Variants in PANX2 observed in about 807,000 individuals in gnomAD.
The protein encoded by PANX2 is pannexin-2.
A neutral mutation model predicts 38.7 loss-of-function variants in PANX2; 30 were observed. That is an observed-to-expected ratio of 0.78 (90% CI 0.58 to 1.05). PANX2 has a LOEUF of 1.05. PANX2 is among the 50% of genes least tolerant of loss of function. PANX2 has a pLI of 0.00. For synonymous variants in PANX2, 539 were observed against 472.1 expected (o/e 1.14, Z -1.84); for missense variants, 880 against 979.3 (o/e 0.90, Z 1.35).
chr22:50,177,506 C>G lies in PANX2; in HGVS notation c.794C>G (p.Pro265Arg), dbSNP rs1221621180. The G allele has an allele frequency of 1.2e-6, 2 of 1,609,048 alleles. No homozygotes were observed. The highest frequency in any genetic ancestry group is 1.7e-6 in the Non-Finnish European group (2 of 1,178,170). Residue 265 changes from proline to arginine, a missense_variant, in exon 2 of 3, where the codon CCG (proline) becomes CGG (arginine). This residue lies in a region of PANX2 where 114 missense variants were observed against 108.8 expected (regional missense o/e 1.05). Coordinates refer to ENST00000395842, the MANE Select transcript of PANX2 (RefSeq NM_052839.4). ...NEFTCALGAS[P>R]DGAAGAGPAV... The stretch of plus-strand genomic sequence containing the variant: ...TTCACCTGCGCGCTGGGCGCGTCCC[C>G]GGACGGGGCGGCAGGTGCGGGGCCC...
At position 50,170,964 on chromosome 22, in the gene PANX2, C is replaced by T. The variant is rs2063626314; in HGVS notation, c.226+8C>T. 4.1e-6 allele frequency: 6 copies of T among 1,469,012 alleles called. No homozygotes were observed. The highest frequency in any genetic ancestry group is 2.9e-5 in the African/African-American group (2 of 68,320). 91.0% of individuals were successfully genotyped at this position (1,469,012 alleles called of 1,614,324 possible). ...TCACCAAGAACTTCGCAGGTGAGGC[C>T]GGCGGCCGGGGCGCGGGGCGCGGGC... On this transcript the variant is annotated splice_region_variant and intron_variant, in intron 1 of 2. Transcript: ENST00000395842.
intron 1 of PANX2, among the ~76,000 whole-genome samples, chr22:50,174,773 G>A (rs4838859): frequency 0.8 from 122,213 of 152,212 alleles, 49,697 homozygotes; most frequent in African/African-American, 0.94. Context: ...GGATGGGCCC[G>A]TGGATTTGGG....
In PANX2 at chr22:50,173,147, T is replaced by C. The variant is rs6010150; in HGVS notation, c.226+2191T>C. Among the ~76,000 whole-genome samples the C allele has an allele frequency of 5.3e-3, 805 of 150,516 alleles. 10 individuals are homozygous for C. Among genetic ancestry groups the C allele is most frequent in the African/African-American group, 0.018 (748 of 40,786 alleles). On this transcript the variant is annotated intron_variant, in intron 1 of 2. Coordinates refer to ENST00000395842, the MANE Select transcript of PANX2 (RefSeq NM_052839.4). ...TCCTGACCTCGTGATCCGCCCACCT[T>C]GGCCTCCCAAAGTGCTGGGATTACA...
In PANX2 at chr22:50,179,252, C is replaced by T. The variant is rs763667948; in HGVS notation, c.2009C>T (p.Thr670Met). The T allele has an allele frequency of 5.6e-6, 9 of 1,612,646 alleles. No homozygotes were observed. Among genetic ancestry groups the T allele is most frequent in the Admixed American group, 5.0e-5 (3 of 60,024 alleles). Residue 670 changes from threonine to methionine, a missense_variant, in exon 3 of 3, where the codon ACG becomes ATG. Physicochemically the swap from Thr to Met is moderately conservative, Grantham distance 81. Transcript: ENST00000395842. The part of the protein sequence containing the change: ...ILIATFDEPR[T>M]VVSTVEF ...ATCGCCACCTTCGACGAGCCGAGAA[C>T]GGTCGTGAGTACTGTGGAGTTTTGA...
chr22:50,177,359 G>A lies in PANX2; in HGVS notation c.647G>A (p.Arg216His). Residue 216 changes from arginine (R) to histidine (H), a missense_variant, in exon 2 of 3, where the codon CGC becomes CAC. This residue lies in a region of PANX2 where 243 missense variants were observed against 333.1 expected (regional missense o/e 0.73). Coordinates refer to ENST00000395842, the MANE Select transcript of PANX2 (RefSeq NM_052839.4). ...EQNLFEKYLE[R>H]RGRSNFLAKL... ...AACCTGTTCGAGAAGTACCTGGAGCGCCGCGGCCGCAGCAACTTCCTGGCC... is the reference window on the plus strand; with the variant it reads ...AACCTGTTCGAGAAGTACCTGGAGCACCGCGGCCGCAGCAACTTCCTGGCC... The A allele has an allele frequency of 6.2e-7, 1 of 1,609,624 alleles. No homozygotes were observed. The highest frequency in any genetic ancestry group is 8.5e-7 in the Non-Finnish European group (1 of 1,178,298).
At chr22:50,174,196 C>A (rs1055564327) in intron 1 of PANX2, among the ~76,000 whole-genome samples, 4 of 152,138 alleles carry the variant, frequency 2.6e-5, no homozygotes, top group Non-Finnish European at 1.5e-5. Flanking sequence ...TGTCCCCACT[C>A]CCCAGGTGGG....
At chr22:50,175,586 C>A in intron 1 of PANX2, 2 of 497,408 alleles carry the variant, frequency 4.0e-6, no homozygotes, top group Non-Finnish European at 6.6e-6. Context: ...ATGTCCCCAC[C>A]GAGGACTCGG....
At chr22:50,176,047 T>C (rs5771204) in intron 1 of PANX2, among the ~76,000 whole-genome samples, 64,299 of 152,102 alleles carry the variant, frequency 0.42, 13,775 homozygotes, top group African/African-American at 0.47. Flanking sequence ...TCCGCGCCTG[T>C]GCTGTGTGAA....
chr22:50,180,288 G>A lies in PANX2; in HGVS notation c.*1011G>A, dbSNP rs1351022879. 1 of 152,284 alleles carries A rather than the reference G, an allele frequency of 6.6e-6. No homozygotes were observed. Among genetic ancestry groups the A allele is most frequent in the Non-Finnish European group, 1.5e-5 (1 of 68,054 alleles). 9.4% of individuals were successfully genotyped at this position (152,284 alleles called of 1,614,324 possible). On this transcript the variant is annotated 3_prime_UTR_variant, in exon 3 of 3. Coordinates refer to ENST00000395842, the MANE Select transcript of PANX2 (RefSeq NM_052839.4). Reference sequence around the variant, plus strand: ...CGAGCATATCAATAAATATTATTCTGATAATCACCTGTGCTCCGCCGGGGA... The same window carrying A: ...CGAGCATATCAATAAATATTATTCTAATAATCACCTGTGCTCCGCCGGGGA...
chr22:50,175,294 C>T (rs920239825), intron 1 of PANX2: 14 of 283,150 alleles, frequency 4.9e-5, no homozygotes, highest in Admixed American at 2.6e-4. Flanking sequence ...CATCTCCCTG[C>T]GGCCCTACTG....
intron 1 of PANX2, among the ~76,000 whole-genome samples, chr22:50,176,476 A>G (rs901498275): frequency 6.6e-6 from 1 of 152,154 alleles, no homozygotes; most frequent in African/African-American, 2.4e-5. Flanking sequence ...CCTGCCAGCT[A>G]GCAGCACCTG....
rs760599445 is a variant in PANX2, at chr22:50,178,066, G to T, written c.1354G>T (p.Val452Leu). Residue 452 changes from valine to leucine, a missense_variant, in exon 2 of 3, where the codon GTG becomes TTG. Coordinates refer to ENST00000395842, the MANE Select transcript of PANX2 (RefSeq NM_052839.4). ...PFKEPLAIMR[V>L]ENSKAEKPKP... Reference sequence around the variant, plus strand: ...CAAGGAGCCGCTGGCCATCATGCGCGTGGAGAACAGCAAGGCGGAGAAGCC... The same window carrying T: ...CAAGGAGCCGCTGGCCATCATGCGCTTGGAGAACAGCAAGGCGGAGAAGCC... 6.4e-7 allele frequency: 1 copy of T among 1,554,472 alleles called. No individual in the cohort carries two copies. Among genetic ancestry groups the T allele is most frequent in the Non-Finnish European group, 8.6e-7 (1 of 1,157,892 alleles).
At chr22:50,172,022 C>A (rs1358534754) in intron 1 of PANX2, among the ~76,000 whole-genome samples, 1 of 152,164 alleles carries the variant, frequency 6.6e-6, no homozygotes, top group African/African-American at 2.4e-5. Context: ...TGGAGGAGGC[C>A]TCTGCTGGTC....
At chr22:50,174,597 TC>T (rs1205951056) in intron 1 of PANX2, among the ~76,000 whole-genome samples, 1 of 152,154 alleles carries the variant, frequency 6.6e-6, no homozygotes, top group Non-Finnish European at 1.5e-5. Flanking sequence ...AGCAATGTCT[TC>T]CAAGAAACGG....
Position 50,179,640 on chromosome 22 carries a change from A to G in PANX2, c.*363A>G, listed in dbSNP as rs2063688169. 1 of 226,782 alleles carries G rather than the reference A, an allele frequency of 4.4e-6. No homozygotes were observed. The highest frequency in any genetic ancestry group is 8.8e-6 in the Non-Finnish European group (1 of 113,036). The allele number at this position is 226,782 out of a possible 1,614,324, so 14.0% of individuals were successfully genotyped here. A position where few individuals can be genotyped will look rare whatever the true frequency, so the allele number is the denominator to read the frequency against. Reference sequence around the variant, plus strand: ...CGTCCTGGCCCCGGGCTGTGGCGAGACAGCCCAACTCCCCCAGCCCAGCTC... The same window carrying G: ...CGTCCTGGCCCCGGGCTGTGGCGAGGCAGCCCAACTCCCCCAGCCCAGCTC... On this transcript the variant is annotated 3_prime_UTR_variant, in exon 3 of 3. Coordinates refer to ENST00000395842, the MANE Select transcript of PANX2 (RefSeq NM_052839.4).
At position 50,170,962 on chromosome 22, in the gene PANX2, GC is replaced by G; in HGVS notation, c.226+8del. 1 of 1,469,764 alleles carries G rather than the reference GC, an allele frequency of 6.8e-7. No homozygotes were observed. The highest frequency in any genetic ancestry group is 9.1e-7 in the Non-Finnish European group (1 of 1,101,344). The allele number at this position is 1,469,764 out of a possible 1,614,324, so 91.0% of individuals were successfully genotyped here. A position where few individuals can be genotyped will look rare whatever the true frequency, so the allele number is the denominator to read the frequency against. ...CTTCACCAAGAACTTCGCAGGTGAG[GC>G]CGGCGGCCGGGGCGCGGGGCGCGGG... On this transcript the variant is annotated splice_region_variant and intron_variant, in intron 1 of 2. Transcript: ENST00000395842.
In PANX2 at chr22:50,179,033, C is replaced by G. The variant is rs1246185279; in HGVS notation, c.1790C>G (p.Ala597Gly). ...TTCCACGTCCGCTCACCTCCCGCCG[C>G]CCCTGCTGTGGCCCCTCTGACACCA... is the stretch of plus-strand genomic sequence containing the variant. Reference protein sequence around the residue: ...GPFHVRSPPAAPAVAPLTPAS... With the variant: ...GPFHVRSPPAGPAVAPLTPAS... The change falls in exon 3 of 3, where the codon GCC (alanine) becomes GGC (glycine). Residue 597 changes from alanine (A) to glycine (G), a missense_variant. By Grantham distance (60) the Ala-to-Gly change is moderately conservative. This residue lies in a region of PANX2 where 445 missense variants were observed against 404.3 expected (regional missense o/e 1.10). Coordinates refer to ENST00000395842, the MANE Select transcript of PANX2 (RefSeq NM_052839.4). 1.2e-6 allele frequency: 2 copies of G among 1,611,068 alleles called. No individual in the cohort carries two copies. Among genetic ancestry groups the G allele is most frequent in the East Asian group, 4.5e-5 (2 of 44,832 alleles).
At chr22:50,178,797 A>C (rs1029815809) in intron 2 of PANX2, 137 bp from the exon 3 acceptor site, 2 of 700,702 alleles carry the variant, frequency 2.9e-6, no homozygotes, top group Admixed American at 3.0e-5. Context: ...TGCTGTGTGC[A>C]GGGGCGTCCA....
chr22:50,178,460 G>C, intron 2 of PANX2, 58 bp downstream of exon 2: 1 of 1,186,524 alleles, frequency 8.4e-7, no homozygotes, highest in Non-Finnish European at 1.1e-6. Context: ...GGCGCCCACA[G>C]CCACAGCGGC....
Sources: gnomAD v4.1 joint callset for allele counts (sites outside exome capture counted in the v4.1 genomes callset) on GRCh38, gnomAD v4.1.1 for gene constraint, gnomAD v4.1.1 regional missense constraint, MANE v1.5 for transcripts, NCBI Gene and HGNC (gene_info 2026-07-23, HGNC 2026-07-21) for gene names.